Variants in EBPL observed in about 807,000 individuals in gnomAD.
The protein encoded by EBPL is EBP like, also known as emopamil-binding protein-like.
EBPL carries 20 observed loss-of-function variants against 19.0 expected under a neutral mutation model. That is an observed-to-expected ratio of 1.05 (90% CI 0.74 to 1.53). The LOEUF (loss-of-function observed/expected upper bound fraction) is 1.53. EBPL is among the 40% of genes most tolerant of loss of function. EBPL has a pLI of 0.00. For missense variants in EBPL, 219 were observed against 261.1 expected (o/e 0.84, Z 1.11); for synonymous variants, 107 against 117.0 (o/e 0.91, Z 0.55).
chr13:49,662,345 A>G (rs1965163223), intron 3 of EBPL, among the ~76,000 whole-genome samples: 1 of 152,080 alleles, frequency 6.6e-6, no homozygotes, highest in Admixed American at 6.5e-5. Flanking sequence ...TTCTGAGAAG[A>G]TTTCCTATTT....
At chr13:49,663,989 C>G (rs539941326) in intron 2 of EBPL, among the ~76,000 whole-genome samples, 3 of 151,778 alleles carry the variant, frequency 2.0e-5, no homozygotes, top group Admixed American at 1.3e-4. Context: ...CGGTGGCTCA[C>G]GCCTGTAATC....
At chr13:49,664,890 G>A (rs1281200267) in intron 2 of EBPL, among the ~76,000 whole-genome samples, 1 of 151,818 alleles carries the variant, frequency 6.6e-6, no homozygotes, top group Non-Finnish European at 1.5e-5. Context: ...TGTTCTGTGA[G>A]AGGCCACCGA....
At chr13:49,684,474 C>T (rs1269308134) in intron 1 of EBPL, among the ~76,000 whole-genome samples, 1 of 152,154 alleles carries the variant, frequency 6.6e-6, no homozygotes, top group Non-Finnish European at 1.5e-5. Context: ...AGTTTGAGAC[C>T]AGCCTGGGCA....
At chr13:49,665,665 A>C (rs1466649901) in intron 2 of EBPL, among the ~76,000 whole-genome samples, 2 of 151,932 alleles carry the variant, frequency 1.3e-5, no homozygotes, top group Non-Finnish European at 2.9e-5. Flanking sequence ...TTGGCTTCCC[A>C]AAATGCTGGG....
chr13:49,680,310 A>G (rs1378119765), intron 1 of EBPL, among the ~76,000 whole-genome samples: 3 of 152,216 alleles, frequency 2.0e-5, no homozygotes, highest in Admixed American at 2.0e-4. Context: ...CTGACTTTTT[A>G]GAGACAGACT....
intron 1 of EBPL, among the ~76,000 whole-genome samples, chr13:49,673,259 G>T (rs752242922): frequency 1.3e-5 from 2 of 152,094 alleles, no homozygotes; most frequent in African/African-American, 4.8e-5. Context: ...AATATGCAAT[G>T]ACCATACGAC....
At chr13:49,678,143 G>C (rs1953897759) in intron 1 of EBPL, among the ~76,000 whole-genome samples, 1 of 152,236 alleles carries the variant, frequency 6.6e-6, no homozygotes, top group Non-Finnish European at 1.5e-5. Context: ...CGTTTTGACA[G>C]GGTGCTGTTT....
intron 2 of EBPL, among the ~76,000 whole-genome samples, chr13:49,663,732 T>C (rs536985273): frequency 1.5e-5 from 2 of 137,756 alleles, no homozygotes; most frequent in Admixed American, 1.5e-4. Flanking sequence ...GGTCAGGAGA[T>C]CGAGACCATC....
intron 1 of EBPL, among the ~76,000 whole-genome samples, chr13:49,671,086 C>T (rs1953810953): frequency 6.6e-6 from 1 of 152,166 alleles, no homozygotes; most frequent in Non-Finnish European, 1.5e-5. Flanking sequence ...TTAGGGATCC[C>T]GTATCCTGAC....
intron 3 of EBPL, 78 bp downstream of exon 3, chr13:49,662,979 C>A (rs1965170928): frequency 6.4e-7 from 1 of 1,566,026 alleles, no homozygotes. Context: ...GTGGTCACAA[C>A]CTACTCCAAA....
At chr13:49,677,403 A>G (rs737250) in intron 1 of EBPL, among the ~76,000 whole-genome samples, 96,065 of 152,010 alleles carry the variant, frequency 0.63, 32,086 homozygotes, top group East Asian at 0.77. Flanking sequence ...CAGAGTTCCA[A>G]GTGACATCTC....
At chr13:49,675,961 C>G (rs569090720) in intron 1 of EBPL, among the ~76,000 whole-genome samples, 19 of 151,772 alleles carry the variant, frequency 1.3e-4, no homozygotes, top group Non-Finnish European at 2.5e-4. Context: ...CCCCTAATGA[C>G]TGACTAGTGA....
intron 1 of EBPL, among the ~76,000 whole-genome samples, chr13:49,674,183 A>C (rs1594410093): frequency 6.6e-6 from 1 of 151,832 alleles, no homozygotes; most frequent in Admixed American, 6.6e-5. Context: ...GGCTCATTCA[A>C]CCTCCGCCTC....
chr13:49,691,124 A>G, intron 1 of EBPL, 130 bp downstream of exon 1: 2 of 889,104 alleles, frequency 2.2e-6, no homozygotes, highest in Non-Finnish European at 2.9e-6. Context: ...CTCAGCTAAC[A>G]GACTTCCTGC....
intron 1 of EBPL, among the ~76,000 whole-genome samples, chr13:49,688,963 A>G (rs930967027): frequency 6.6e-6 from 1 of 152,142 alleles, no homozygotes; most frequent in Non-Finnish European, 1.5e-5. Context: ...ATGTACAAAG[A>G]CGTTGGTAGA....
intron 1 of EBPL, among the ~76,000 whole-genome samples, chr13:49,685,237 C>T (rs1322228955): frequency 1.3e-5 from 2 of 152,052 alleles, no homozygotes; most frequent in Non-Finnish European, 1.5e-5. Context: ...AGAACTGGAA[C>T]CAAAAGATTC....
chr13:49,664,103 G>T (rs1190495011), intron 2 of EBPL, among the ~76,000 whole-genome samples: 3 of 151,912 alleles, frequency 2.0e-5, no homozygotes, highest in Non-Finnish European at 4.4e-5. Context: ...AATACAAAAA[G>T]TAGCTGGGCG....
At chr13:49,688,776 G>A (rs950306773) in intron 1 of EBPL, among the ~76,000 whole-genome samples, 2 of 149,932 alleles carry the variant, frequency 1.3e-5, no homozygotes, top group Non-Finnish European at 3.0e-5. Flanking sequence ...TCATCTTCTA[G>A]TGAACAAGTG....
Position 49,691,397 on chromosome 13 carries a change from C to G in EBPL, c.28G>C (p.Glu10Gln). The G allele has an allele frequency of 2.2e-6, 3 of 1,362,208 alleles. No individual in the cohort carries two copies. The highest frequency in any genetic ancestry group is 2.8e-6 in the Non-Finnish European group (3 of 1,054,782). The allele number at this position is 1,362,208 out of a possible 1,614,324, so 84.4% of individuals were successfully genotyped here. Residue 10 changes from glutamate to glutamine, a missense_variant, in exon 1 of 4, where the codon GAG (glutamate) becomes CAG (glutamine). Transcript: ENST00000242827. MGAEWELGA[E>Q]AGGSLLLCAA... ...CACAGCAGCAGCGAACCGCCAGCCT[C>G]GGCCCCCAGCTCCCACTCAGCGCCC...
Sources: gnomAD v4.1 joint callset for allele counts (sites outside exome capture counted in the v4.1 genomes callset) on GRCh38, gnomAD v4.1.1 for gene constraint, MANE v1.5 for transcripts, NCBI Gene and HGNC (gene_info 2026-07-23, HGNC 2026-07-21) for gene names.